Variants in SPATS2L observed in about 807,000 individuals in gnomAD.
The protein encoded by SPATS2L is spermatogenesis associated serine rich 2 like, also known as SPATS2-like protein.
Under a neutral mutation model 59.6 loss-of-function variants are expected in SPATS2L, and 30 were observed. The observed-to-expected ratio is 0.50, with a 90% CI of 0.38 to 0.68. The LOEUF is 0.68. Among genes scored for constraint, SPATS2L ranks in the 30% least tolerant of loss-of-function variants. SPATS2L has a pLI of 0.00. For synonymous variants in SPATS2L, 252 were observed against 263.5 expected (o/e 0.96, Z 0.42); for missense variants, 615 against 700.0 (o/e 0.88, Z 1.37).
chr2:200,348,907 A>C (rs1341236675), intron 2 of SPATS2L, among the ~76,000 whole-genome samples: 1 of 151,322 alleles, frequency 6.6e-6, no homozygotes, highest in Non-Finnish European at 1.5e-5. Context: ...AAAAATTTGC[A>C]TGTGAAGAAG....
Position 200,477,515 on chromosome 2 carries a change from T to TAAAAAAAAAAA in SPATS2L, c.1282-108_1282-98dup, listed in dbSNP as rs59073895. On this transcript the variant is annotated intron_variant, in intron 12 of 12. Coordinates refer to ENST00000409140, the MANE Select transcript of SPATS2L (RefSeq NM_001100423.2). ...CATGTTTTCTGATTCTTCTGGTGTA[T>TAAAAAAAAAAA]AAAAAAAAAAAAAAAAAAAAAAAGC... is the stretch of plus-strand genomic sequence containing the variant. 6.9e-4 allele frequency: 209 copies of TAAAAAAAAAAA among 302,636 alleles called. 7 individuals carry two copies. The highest frequency in any genetic ancestry group is 6.9e-3 in the African/African-American group (159 of 23,082). The allele number at this position is 302,636 out of a possible 1,614,324, so 18.7% of individuals were successfully genotyped here. A position where few individuals can be genotyped will look rare whatever the true frequency, so the allele number is the denominator to read the frequency against.
At chr2:200,343,115 T>A (rs1041276216) in intron 2 of SPATS2L, among the ~76,000 whole-genome samples, 1 of 152,196 alleles carries the variant, frequency 6.6e-6, no homozygotes, top group African/African-American at 2.4e-5. Context: ...ATTGGGAGAA[T>A]AACTTGGATG....
chr2:200,382,522 G>A (rs1376831515), intron 2 of SPATS2L, among the ~76,000 whole-genome samples: 1 of 152,186 alleles, frequency 6.6e-6, no homozygotes, highest in Non-Finnish European at 1.5e-5. Flanking sequence ...CCGTGGAACG[G>A]TTTTATTCCC....
chr2:200,383,705 A>G (rs547754107), intron 2 of SPATS2L, among the ~76,000 whole-genome samples: 4 of 152,334 alleles, frequency 2.6e-5, no homozygotes, highest in African/African-American at 9.6e-5. Context: ...AGCTTACATT[A>G]TGATAATTTA....
chr2:200,399,826 G>T (rs1306026112), intron 3 of SPATS2L, among the ~76,000 whole-genome samples: 1 of 152,160 alleles, frequency 6.6e-6, no homozygotes, highest in African/African-American at 2.4e-5. Context: ...ATATAATTTA[G>T]AGATTAACCC....
At position 200,423,229 on chromosome 2, in the gene SPATS2L, T is replaced by A. The variant is rs984373693; in HGVS notation, c.445+3733T>A. 2.0e-5 allele frequency among the ~76,000 whole-genome samples: 3 copies of A among 152,238 alleles called. No homozygotes were observed. The East Asian group carries it at 5.8e-4, about 29-fold the overall frequency. On this transcript the variant is annotated intron_variant, in intron 6 of 12. Coordinates refer to ENST00000409140, the MANE Select transcript of SPATS2L (RefSeq NM_001100423.2). The stretch of plus-strand genomic sequence containing the variant: ...GAAACTGTGAATATGGGAGGACTAT[T>A]GTAGTTAGATTTTCCTGCCTTCAAA...
At chr2:200,350,100 G>T (rs2080668133) in intron 2 of SPATS2L, among the ~76,000 whole-genome samples, 2 of 152,138 alleles carry the variant, frequency 1.3e-5, no homozygotes, top group African/African-American at 4.8e-5. Context: ...TTCTAGAGAG[G>T]AAACCACATA....
chr2:200,453,396 A>T (rs1355975900), intron 8 of SPATS2L, among the ~76,000 whole-genome samples: 2 of 152,254 alleles, frequency 1.3e-5, no homozygotes, highest in African/African-American at 4.8e-5. Context: ...GCTGCAACAA[A>T]GAAATTGAGA....
At chr2:200,468,923 C>T (rs1312450045) in intron 10 of SPATS2L, among the ~76,000 whole-genome samples, 1 of 152,228 alleles carries the variant, frequency 6.6e-6, no homozygotes, top group Non-Finnish European at 1.5e-5. Context: ...TTCATTTCTG[C>T]CTATCAAAAC....
intron 2 of SPATS2L, among the ~76,000 whole-genome samples, chr2:200,341,574 G>A (rs941080907): frequency 7.6e-5 from 4 of 52,864 alleles, no homozygotes; most frequent in Admixed American, 3.7e-4. Context: ...ATGAAAAACT[G>A]TGTTTTTTTA....
intron 8 of SPATS2L, among the ~76,000 whole-genome samples, chr2:200,458,502 AT>A (rs2086010962): frequency 6.6e-6 from 1 of 152,232 alleles, no homozygotes; most frequent in Admixed American, 6.5e-5. Flanking sequence ...CTAATAACAA[AT>A]TTATAGGAAA....
chr2:200,383,090 G>A (rs1043144114), intron 2 of SPATS2L, among the ~76,000 whole-genome samples: 4 of 152,138 alleles, frequency 2.6e-5, no homozygotes, highest in Non-Finnish European at 5.9e-5. Context: ...TGCTGCCCCT[G>A]CCCTCCAGAG....
chr2:200,332,736 A>AT (rs925226333), intron 2 of SPATS2L, among the ~76,000 whole-genome samples: 59 of 118,584 alleles, frequency 5.0e-4, no homozygotes, highest in East Asian at 1.1e-3. Context: ...AATTCATTAT[A>AT]TTTTTTTTTT....
intron 1 of SPATS2L, among the ~76,000 whole-genome samples, chr2:200,314,844 A>G (rs1173677034): frequency 6.6e-6 from 1 of 152,192 alleles, no homozygotes; most frequent in Non-Finnish European, 1.5e-5. Context: ...ATATAAAAAA[A>G]TGTAAAATTT....
In SPATS2L at chr2:200,457,797, T is replaced by G. The variant is rs187565592; in HGVS notation, c.789-1972T>G. 3.3e-5 allele frequency among the ~76,000 whole-genome samples: 5 copies of G among 152,366 alleles called. 1 individual carries two copies. In the East Asian group the frequency reaches 9.6e-4, roughly 29 times the overall value. On this transcript the variant is annotated intron_variant, in intron 8 of 12. Transcript: ENST00000409140. ...CTTCAAGTATTTAGGTTGCACAGTCTACTTGAGGAGCCCCTAAACTGCTAT... is the reference window on the plus strand; with the variant it reads ...CTTCAAGTATTTAGGTTGCACAGTCGACTTGAGGAGCCCCTAAACTGCTAT...
chr2:200,338,322 GCC>G (rs986792084), intron 2 of SPATS2L, among the ~76,000 whole-genome samples: 2 of 152,192 alleles, frequency 1.3e-5, no homozygotes, highest in African/African-American at 4.8e-5. Context: ...ACCGTGCCCA[GCC>G]CCAGATTAAC....
At chr2:200,325,514 G>T (rs556834827) in intron 1 of SPATS2L, among the ~76,000 whole-genome samples, 1 of 152,092 alleles carries the variant, frequency 6.6e-6, no homozygotes, top group Admixed American at 6.5e-5. Flanking sequence ...GAGTAGTTGG[G>T]ACTACAGGTG....
chr2:200,347,476 G>GA (rs2080553370), intron 2 of SPATS2L, among the ~76,000 whole-genome samples: 1 of 152,194 alleles, frequency 6.6e-6, no homozygotes, highest in Non-Finnish European at 1.5e-5. Flanking sequence ...AGCCCAGCAA[G>GA]AAAAAGTCCA....
upstream of SPATS2L, chr2:200,306,024 A>T: frequency 3.0e-6 from 3 of 985,194 alleles, no homozygotes; most frequent in Non-Finnish European, 3.6e-6. Flanking sequence ...GCCCATGTGT[A>T]ACTTGGTTAT....
Sources: allele counts gnomAD v4.1 joint callset (sites outside exome capture counted in the v4.1 genomes callset), GRCh38; gene constraint gnomAD v4.1.1; transcripts MANE v1.5; gene names NCBI Gene and HGNC (gene_info 2026-07-23, HGNC 2026-07-21).